The following LRRC7 variants were observed in gnomAD, a reference collection of about 807,000 sequenced individuals.
The protein encoded by LRRC7 is leucine-rich repeat-containing protein 7.
A neutral mutation model predicts 175.7 loss-of-function variants in LRRC7; 23 were observed. The ratio of observed to expected loss-of-function variants is 0.13; its 90% CI spans 0.09 to 0.19. The LOEUF is 0.19. LRRC7 is among the 10% of genes least tolerant of loss of function. The pLI is 1.00. For missense variants in LRRC7, 1,354 were observed against 1,904.7 expected (o/e 0.71, Z 5.38); for synonymous variants, 685 against 680.9 (o/e 1.01, Z -0.09).
chr1:69,637,114 C>T (rs1448124226), intron 1 of LRRC7, among the ~76,000 whole-genome samples: 1 of 148,986 alleles, frequency 6.7e-6, no homozygotes, highest in Non-Finnish European at 1.5e-5. Flanking sequence ...CCCCCGCTCC[C>T]CCGCACACAG....
intron 7 of LRRC7, among the ~76,000 whole-genome samples, chr1:69,844,413 T>G (rs1474390057): frequency 6.6e-6 from 1 of 152,162 alleles, no homozygotes; most frequent in Non-Finnish European, 1.5e-5. Context: ...AGTCTGACCA[T>G]TTTAGATACC....
Position 69,612,356 on chromosome 1 carries a change from C to T in LRRC7, c.2+43715C>T, listed in dbSNP as rs1045147422. On this transcript the variant is annotated intron_variant, in intron 1 of 26. Coordinates refer to ENST00000651989, the MANE Select transcript of LRRC7 (RefSeq NM_001370785.2). ...TTTTATATAACTTTCTATTTCATTT[C>T]GCTAGACTTAGTATCCCAATAACTT... 1.3e-3 allele frequency among the ~76,000 whole-genome samples: 195 copies of T among 152,070 alleles called. 2 individuals are homozygous for T. Among genetic ancestry groups the T allele is most frequent in the Admixed American group, 1.1e-3 (16 of 15,232 alleles).
chr1:69,744,251 A>G lies in LRRC7; in HGVS notation c.101-15940A>G, dbSNP rs896788875. Among the ~76,000 whole-genome samples, 4 of 151,836 alleles carry G rather than the reference A, an allele frequency of 2.6e-5. 1 individual carries two copies. Among genetic ancestry groups the G allele is most frequent in the South Asian group, 4.1e-4 (2 of 4,832 alleles). On this transcript the variant is annotated intron_variant, in intron 2 of 26. Transcript: ENST00000651989. ...CCTGCTTCAAAACCATATGCTCTCA[A>G]CTGCAATACACACGTATATACATAC...
chr1:69,719,878 T>C (rs1557645860), intron 2 of LRRC7, among the ~76,000 whole-genome samples: 2 of 151,662 alleles, frequency 1.3e-5, no homozygotes, highest in African/African-American at 4.8e-5. Flanking sequence ...ACTTTTTATC[T>C]CTAATAATGC....
chr1:69,811,021 C>T (rs1241543899), intron 4 of LRRC7, among the ~76,000 whole-genome samples: 3 of 152,032 alleles, frequency 2.0e-5, no homozygotes, highest in Non-Finnish European at 4.4e-5. Flanking sequence ...TGCAATCTGT[C>T]CATCTGACAA....
intron 1 of LRRC7, among the ~76,000 whole-genome samples, chr1:69,659,902 GAAGAA>G (rs1223663095): frequency 2.6e-5 from 4 of 151,878 alleles, no homozygotes; most frequent in African/African-American, 9.6e-5. Flanking sequence ...CAAAAGAAGA[GAAGAA>G]AAGCAAAATG....
intron 25 of LRRC7, among the ~76,000 whole-genome samples, chr1:70,100,153 A>G: frequency 1.3e-5 from 2 of 152,300 alleles, no homozygotes; most frequent in East Asian, 3.9e-4. Flanking sequence ...GTTAAAACAT[A>G]TAAAGTAACC....
intron 3 of LRRC7, among the ~76,000 whole-genome samples, chr1:69,781,790 GAA>G (rs1673686915): frequency 5.3e-5 from 1 of 18,790 alleles, no homozygotes; most frequent in Non-Finnish European, 9.4e-5. Flanking sequence ...AGAAAGAAAG[GAA>G]GGAAGGAAGG....
At position 69,714,438 on chromosome 1, in the gene LRRC7, G is replaced by A. The variant is rs142162955; in HGVS notation, c.100+35960G>A. ...TGATGTGATGAAACATAAATAATTAGAATCTATTGAAAAGTGTTATGAGAG... is the reference window on the plus strand; with the variant it reads ...TGATGTGATGAAACATAAATAATTAAAATCTATTGAAAAGTGTTATGAGAG... On this transcript the variant is annotated intron_variant, in intron 2 of 26. Transcript: ENST00000651989. 2.0e-4 allele frequency among the ~76,000 whole-genome samples: 30 copies of A among 151,618 alleles called. No homozygotes were observed. The East Asian group carries it at 5.2e-3, about 26-fold the overall frequency.
intron 1 of LRRC7, among the ~76,000 whole-genome samples, chr1:69,639,883 C>T (rs1412964453): frequency 6.6e-6 from 1 of 151,630 alleles, no homozygotes; most frequent in Non-Finnish European, 1.5e-5. Context: ...TAATAATCCA[C>T]AACTTTAAAA....
intron 11 of LRRC7, among the ~76,000 whole-genome samples, chr1:70,006,349 G>A (rs1269500671): frequency 6.6e-6 from 1 of 151,906 alleles, no homozygotes; most frequent in Non-Finnish European, 1.5e-5. Context: ...GTGGGCGCCT[G>A]TATTCCCAGC....
At chr1:69,837,289 T>C (rs994589583) in intron 6 of LRRC7, among the ~76,000 whole-genome samples, 1 of 151,984 alleles carries the variant, frequency 6.6e-6, no homozygotes, top group African/African-American at 2.4e-5. Context: ...CAATGAAATA[T>C]GGTATATTGC....
At chr1:69,587,678 G>A (rs534673654) in intron 1 of LRRC7, among the ~76,000 whole-genome samples, 8 of 152,194 alleles carry the variant, frequency 5.3e-5, no homozygotes, top group African/African-American at 1.7e-4. Context: ...TTTCCCCCAC[G>A]CTGTTCTTGT....
chr1:70,008,763 A>G (rs1230279394), intron 11 of LRRC7, among the ~76,000 whole-genome samples: 3 of 152,184 alleles, frequency 2.0e-5, no homozygotes, highest in Non-Finnish European at 4.4e-5. Flanking sequence ...GGTCTATAGT[A>G]TCTGTCTACT....
chr1:69,663,885 C>A (rs11209510), intron 1 of LRRC7, among the ~76,000 whole-genome samples: 1 of 151,198 alleles, frequency 6.6e-6, no homozygotes, highest in Non-Finnish European at 1.5e-5. Context: ...CCGCGCCCGG[C>A]TAATTTTTTG....
chr1:70,100,010 A>G lies in LRRC7; in HGVS notation c.4546-7742A>G, dbSNP rs200004154. 3.9e-5 allele frequency among the ~76,000 whole-genome samples: 6 copies of G among 152,296 alleles called. No homozygotes were observed. In the East Asian group the frequency reaches 9.6e-4, roughly 24 times the overall value. Reference sequence around the variant, plus strand: ...TTGACTTTTAAAAGAACATATGACAAGCAAGTAAAAGAAAATTCAAGAATT... The same window carrying G: ...TTGACTTTTAAAAGAACATATGACAGGCAAGTAAAAGAAAATTCAAGAATT... On this transcript the variant is annotated intron_variant, in intron 25 of 26. Coordinates refer to ENST00000651989, the MANE Select transcript of LRRC7 (RefSeq NM_001370785.2).
intron 2 of LRRC7, among the ~76,000 whole-genome samples, chr1:69,717,378 A>G (rs1665489655): frequency 6.6e-6 from 1 of 151,816 alleles, no homozygotes; most frequent in Non-Finnish European, 1.5e-5. Context: ...TATGAATGAC[A>G]GGTCATGAAT....
At chr1:69,979,079 C>CAGAGA (rs1465592111) in intron 8 of LRRC7, among the ~76,000 whole-genome samples, 2 of 152,064 alleles carry the variant, frequency 1.3e-5, no homozygotes, top group African/African-American at 4.8e-5. Flanking sequence ...CCCAGGACTG[C>CAGAGA]AGAGAAAAGC....
At chr1:69,904,300 TAAA>T (rs1035438948) in intron 7 of LRRC7, among the ~76,000 whole-genome samples, 10 of 148,044 alleles carry the variant, frequency 6.8e-5, no homozygotes, top group East Asian at 3.9e-4. Flanking sequence ...CAATAAATAT[TAAA>T]AAAGAAGAAT....
Sources: gnomAD v4.1 joint callset for allele counts (sites outside exome capture counted in the v4.1 genomes callset) on GRCh38, gnomAD v4.1.1 for gene constraint, MANE v1.5 for transcripts, NCBI Gene and HGNC (gene_info 2026-07-23, HGNC 2026-07-21) for gene names.